Variants in CHN2 observed in about 807,000 individuals in gnomAD.
The protein encoded by CHN2 is chimerin 2.
A neutral mutation model predicts 56.3 loss-of-function variants in CHN2; 35 were observed. That is an observed-to-expected ratio of 0.62 (90% confidence interval 0.47 to 0.82). CHN2 has a LOEUF of 0.82. Ranked by LOEUF, CHN2 falls within the 40% of genes least tolerant of loss-of-function variation. The pLI is 0.00. For missense variants in CHN2, 491 were observed against 580.5 expected (o/e 0.85, Z 1.58); for synonymous variants, 210 against 212.8 (o/e 0.99, Z 0.12).
intron 2 of CHN2, among the ~76,000 whole-genome samples, chr7:29,354,923 T>C (rs10215935): frequency 6.6e-6 from 1 of 151,438 alleles, no homozygotes; most frequent in Non-Finnish European, 1.5e-5. Context: ...TCTCTGCCTT[T>C]CAGTTTGGGG....
At chr7:29,283,432 G>A (rs1302619789) in intron 1 of CHN2, among the ~76,000 whole-genome samples, 1 of 151,972 alleles carries the variant, frequency 6.6e-6, no homozygotes, top group Non-Finnish European at 1.5e-5. Context: ...CCTTCCATGT[G>A]GACAGGACTA....
At chr7:29,259,538 T>C (rs1310470333) in intron 1 of CHN2, among the ~76,000 whole-genome samples, 1 of 152,144 alleles carries the variant, frequency 6.6e-6, no homozygotes, top group African/African-American at 2.4e-5. Context: ...ATATAATATA[T>C]ATACATATGT....
intron 1 of CHN2, among the ~76,000 whole-genome samples, chr7:29,224,439 T>G (rs1421438098): frequency 6.6e-6 from 1 of 152,188 alleles, no homozygotes; most frequent in Non-Finnish European, 1.5e-5. Context: ...TTTTTCTATG[T>G]GTGTTGAATG....
At chr7:29,171,695 C>G (rs1225119503) in intron 2 of CHN2, among the ~76,000 whole-genome samples, 1 of 152,108 alleles carries the variant, frequency 6.6e-6, no homozygotes. Context: ...CAGGCTAAAT[C>G]CAAGCATATG....
chr7:29,287,514 T>C (rs774285784), intron 1 of CHN2, among the ~76,000 whole-genome samples: 36 of 152,180 alleles, frequency 2.4e-4, no homozygotes, highest in Non-Finnish European at 4.7e-4. Context: ...CATGGAGTCT[T>C]AGTGAGGGTC....
intron 1 of CHN2, among the ~76,000 whole-genome samples, chr7:29,305,950 A>T (rs1362910687): frequency 6.8e-6 from 1 of 146,634 alleles, no homozygotes; most frequent in East Asian, 2.0e-4. Context: ...TTATTACTAT[A>T]TTAGATTTCT....
intron 1 of CHN2, among the ~76,000 whole-genome samples, chr7:29,272,561 AG>A (rs1293073483): frequency 6.6e-6 from 1 of 152,132 alleles, no homozygotes; most frequent in African/African-American, 2.4e-5. Flanking sequence ...ATGGGGCTGG[AG>A]GAGGAAGGAA....
intron 2 of CHN2, 23 bp from the exon 3 acceptor site, chr7:29,367,909 T>G (rs1364801218): frequency 6.2e-7 from 1 of 1,603,422 alleles, no homozygotes; most frequent in Non-Finnish European, 8.5e-7. Context: ...TATTTCTCTC[T>G]CTCTCTCTCT....
intron 1 of CHN2, among the ~76,000 whole-genome samples, chr7:29,313,139 C>G (rs1794711998): frequency 6.6e-6 from 1 of 152,292 alleles, no homozygotes; most frequent in Non-Finnish European, 1.5e-5. Flanking sequence ...TTCTTTAATT[C>G]TTTCGTAGAT....
At chr7:29,427,199 C>T (rs1248245260) in intron 6 of CHN2, among the ~76,000 whole-genome samples, 2 of 152,066 alleles carry the variant, frequency 1.3e-5, no homozygotes, top group Non-Finnish European at 2.9e-5. Context: ...TGCAGTAATC[C>T]CAGTTACGTG....
intron 2 of CHN2, among the ~76,000 whole-genome samples, chr7:29,179,649 T>C (rs562231241): frequency 2.5e-4 from 38 of 152,372 alleles, no homozygotes; most frequent in African/African-American, 9.1e-4. Flanking sequence ...TAAATAAATA[T>C]TCTCCTTTTT....
chr7:29,486,947 T>C (rs1788082562), intron 7 of CHN2, among the ~76,000 whole-genome samples: 1 of 152,226 alleles, frequency 6.6e-6, no homozygotes, highest in South Asian at 2.1e-4. Context: ...TCATTTGCTT[T>C]GGAAGAAGAC....
At chr7:29,490,319 A>G (rs1160032108) in intron 7 of CHN2, among the ~76,000 whole-genome samples, 1 of 152,154 alleles carries the variant, frequency 6.6e-6, no homozygotes, top group East Asian at 1.9e-4. Flanking sequence ...AGCCCAGTTC[A>G]ATATCCCCTT....
chr7:29,359,621 G>A (rs1798576043), intron 2 of CHN2, among the ~76,000 whole-genome samples: 2 of 152,160 alleles, frequency 1.3e-5, no homozygotes, highest in African/African-American at 4.8e-5. Flanking sequence ...TTGTCCCAAA[G>A]TATCATACAT....
At chr7:29,429,242 C>T (rs776402158) in intron 6 of CHN2, among the ~76,000 whole-genome samples, 2 of 152,072 alleles carry the variant, frequency 1.3e-5, no homozygotes, top group African/African-American at 2.4e-5. Context: ...TAGTTTTTGC[C>T]CTAGTCATTT....
At chr7:29,492,868 T>A (rs987623740) in intron 7 of CHN2, among the ~76,000 whole-genome samples, 1 of 152,210 alleles carries the variant, frequency 6.6e-6, no homozygotes, top group Admixed American at 6.5e-5. Context: ...GCATTCAACA[T>A]AATTGACCAT....
chr7:29,347,655 G>C (rs1797561827), intron 1 of CHN2, among the ~76,000 whole-genome samples: 1 of 152,084 alleles, frequency 6.6e-6, no homozygotes, highest in Admixed American at 6.6e-5. Flanking sequence ...CAACACGTAA[G>C]GATTACAGTT....
chr7:29,334,049 CTTT>C (rs70980529), intron 1 of CHN2, among the ~76,000 whole-genome samples: 32,718 of 122,140 alleles, frequency 0.27, 2,908 homozygotes, highest in Non-Finnish European at 0.3. Context: ...AATTTCTTTT[CTTT>C]TTTTTTTTTT....
intron 3 of CHN2, among the ~76,000 whole-genome samples, chr7:29,372,865 A>G (rs1295834878): frequency 2.6e-5 from 4 of 152,234 alleles, no homozygotes; most frequent in African/African-American, 4.8e-5. Flanking sequence ...AATTACCTCA[A>G]GCCTACACTA....
Sources: gnomAD v4.1 joint callset for allele counts (sites outside exome capture counted in the v4.1 genomes callset) on GRCh38, gnomAD v4.1.1 for gene constraint, MANE v1.5 for transcripts, NCBI Gene and HGNC (gene_info 2026-07-23, HGNC 2026-07-21) for gene names.